The following WWC1 variants were observed in gnomAD, a reference collection of about 807,000 sequenced individuals.
WWC1 encodes the protein protein KIBRA.
In WWC1, 55 loss-of-function variants were observed where a neutral mutation model predicts 138.4. The ratio of observed to expected loss-of-function variants is 0.40; its 90% CI spans 0.32 to 0.50. The LOEUF is 0.50. WWC1 is among the 20% of genes least tolerant of loss of function. WWC1 has a pLI of 0.72. For missense variants in WWC1, 1,226 were observed against 1,420.4 expected, an observed-to-expected ratio of 0.86 and a Z score of 2.20; for synonymous variants, 524 against 564.9, an observed-to-expected ratio of 0.93 and a Z score of 1.03.
intron 1 of WWC1, among the ~76,000 whole-genome samples, chr5:168,345,501 GA>G (rs1476470159): frequency 3.3e-5 from 5 of 152,206 alleles, no homozygotes; most frequent in Admixed American, 6.5e-5. Flanking sequence ...CCTTGGGTGT[GA>G]TTGAGTAGTT....
chr5:168,339,925 TTCTC>T (rs1446245017), intron 1 of WWC1, among the ~76,000 whole-genome samples: 1 of 91,878 alleles, frequency 1.1e-5, no homozygotes, highest in Admixed American at 9.8e-5. Context: ...CTCTCTCTCT[TTCTC>T]TCTTTCTCTC....
chr5:168,353,126 C>A (rs1409472092), intron 1 of WWC1, among the ~76,000 whole-genome samples: 1 of 152,156 alleles, frequency 6.6e-6, no homozygotes, highest in East Asian at 1.9e-4. Flanking sequence ...CCACAGATAG[C>A]CTCCCTCCCA....
intron 1 of WWC1, among the ~76,000 whole-genome samples, chr5:168,321,550 T>TC (rs1037201528): frequency 6.6e-6 from 1 of 151,762 alleles, no homozygotes; most frequent in African/African-American, 2.4e-5. Flanking sequence ...TTTTTTTTTT[T>TC]TGAGACGAAG....
intron 16 of WWC1, among the ~76,000 whole-genome samples, chr5:168,442,077 T>C (rs1754822125): frequency 6.6e-6 from 1 of 152,188 alleles, no homozygotes; most frequent in African/African-American, 2.4e-5. Context: ...CTAATACCAC[T>C]TGGCTAACGA....
chr5:168,365,733 C>A (rs1462140815), intron 1 of WWC1, among the ~76,000 whole-genome samples: 1 of 152,170 alleles, frequency 6.6e-6, no homozygotes, highest in African/African-American at 2.4e-5. Flanking sequence ...TACCTGTCTC[C>A]ACAGCGACAC....
At chr5:168,391,166 C>A (rs565206356) in intron 3 of WWC1, among the ~76,000 whole-genome samples, 48 of 152,300 alleles carry the variant, frequency 3.2e-4, no homozygotes, top group African/African-American at 1.1e-3. Flanking sequence ...TCTTTGGGAC[C>A]TTATCATATT....
At chr5:168,391,335 T>G (rs1402262418) in intron 3 of WWC1, among the ~76,000 whole-genome samples, 1 of 152,058 alleles carries the variant, frequency 6.6e-6, no homozygotes, top group Non-Finnish European at 1.5e-5. Flanking sequence ...AGGAGTCCAG[T>G]CCAGGCAACA....
intron 2 of WWC1, among the ~76,000 whole-genome samples, chr5:168,376,095 C>A (rs1173472168): frequency 6.6e-6 from 1 of 151,784 alleles, no homozygotes; most frequent in African/African-American, 2.4e-5. Context: ...TGCTCTGTCC[C>A]CAGGCTGTAG....
intron 1 of WWC1, among the ~76,000 whole-genome samples, chr5:168,310,087 G>A (rs753029715): frequency 2.6e-5 from 4 of 152,090 alleles, no homozygotes; most frequent in Non-Finnish European, 5.9e-5. Context: ...CTCGAAGCTG[G>A]TCTCACCCTT....
At chr5:168,415,851 T>TGTGG (rs1344541801) in intron 9 of WWC1, 1 of 115,962 alleles carries the variant, frequency 8.6e-6, no homozygotes, top group African/African-American at 3.4e-5. Context: ...TGTGTGTGTG[T>TGTGG]GGCATATGTG....
At chr5:168,341,226 G>A (rs1272302860) in intron 1 of WWC1, among the ~76,000 whole-genome samples, 1 of 152,180 alleles carries the variant, frequency 6.6e-6, no homozygotes, top group African/African-American at 2.4e-5. Flanking sequence ...CATCATCAGA[G>A]TGGCCAGGGA....
chr5:168,397,536 T>C (rs1778992360), intron 3 of WWC1, among the ~76,000 whole-genome samples, 188 bp from the exon 4 acceptor site: 1 of 152,192 alleles, frequency 6.6e-6, no homozygotes, highest in South Asian at 2.1e-4. Context: ...TTCTTCATCC[T>C]CATTTTAAGT....
chr5:168,438,699 A>C (rs1754476067), intron 15 of WWC1, among the ~76,000 whole-genome samples: 1 of 152,104 alleles, frequency 6.6e-6, no homozygotes, highest in African/African-American at 2.4e-5. Context: ...CCACCTTCCC[A>C]AACCTGACCA....
chr5:168,430,027 T>C, intron 13 of WWC1, 110 bp from the exon 14 acceptor site: 2 of 776,838 alleles, frequency 2.6e-6, no homozygotes, highest in East Asian at 2.6e-5. Context: ...GAGCTCACCA[T>C]AGGCCCCAGG....
intron 1 of WWC1, among the ~76,000 whole-genome samples, chr5:168,298,606 T>C (rs1311004739): frequency 6.6e-6 from 1 of 152,122 alleles, no homozygotes; most frequent in Non-Finnish European, 1.5e-5. Flanking sequence ...CTAGGATAGA[T>C]AATAGGGAGA....
intron 1 of WWC1, among the ~76,000 whole-genome samples, chr5:168,324,290 C>T (rs924305761): frequency 6.6e-6 from 1 of 152,044 alleles, no homozygotes. Context: ...AAAAATTAGC[C>T]AGGCTGGTGG....
intron 3 of WWC1, among the ~76,000 whole-genome samples, chr5:168,393,927 A>G (rs1305964318): frequency 6.6e-6 from 1 of 152,020 alleles, no homozygotes; most frequent in African/African-American, 2.4e-5. Flanking sequence ...ACAATAATTA[A>G]CTCAAGGGGA....
intron 14 of WWC1, 54 bp downstream of exon 14, chr5:168,430,277 C>A: frequency 6.6e-7 from 1 of 1,505,616 alleles, no homozygotes; most frequent in South Asian, 1.2e-5. Flanking sequence ...TGGAGTTACC[C>A]CTGGGGGTCA....
At position 168,414,552 on chromosome 5, in the gene WWC1, G is replaced by C. The variant is rs762745515; in HGVS notation, c.1146G>C (p.Gln382His). The C allele has an allele frequency of 1.3e-6, 2 of 1,553,448 alleles. No individual in the cohort carries two copies. The highest frequency in any genetic ancestry group is 2.4e-5 in the South Asian group (2 of 84,294). ...GGAAGCGGCTGGAAAAGGACCTGCA[G>C]GCAGCCCGGGACACCCAGAGCAAGG... is the stretch of plus-strand genomic sequence containing the variant. ...MARKRLEKDLQAARDTQSKAL... is the reference protein window; with the variant it reads ...MARKRLEKDLHAARDTQSKAL... Residue 382 changes from glutamine to histidine, a missense_variant, in exon 9 of 23, where the codon CAG (glutamine) becomes CAC (histidine). This residue lies in a region of WWC1 where 1,016 missense variants were observed against 1,153.9 expected (regional missense o/e 0.88). Coordinates refer to ENST00000265293, the MANE Select transcript of WWC1 (RefSeq NM_015238.3).
Sources: allele counts gnomAD v4.1 joint callset (sites outside exome capture counted in the v4.1 genomes callset), GRCh38; gene constraint gnomAD v4.1.1; regional missense constraint gnomAD v4.1.1; transcripts MANE v1.5; gene names NCBI Gene and HGNC (gene_info 2026-07-23, HGNC 2026-07-21).